The following SLC22A17 variants were observed in gnomAD, a reference collection of about 807,000 sequenced individuals.
SLC22A17 encodes the protein solute carrier family 22 member 17.
SLC22A17 carries 38 observed loss-of-function variants against 53.6 expected under a neutral mutation model. That is an observed-to-expected ratio of 0.71 (90% CI 0.55 to 0.93). SLC22A17 has a LOEUF of 0.93. Ranked by LOEUF, SLC22A17 falls within the 40% of genes least tolerant of loss-of-function variation. The probability of loss-of-function intolerance (pLI) is 0.00; values close to 1 mark genes in which losing one functional copy is unlikely to be tolerated. For synonymous variants in SLC22A17, 379 were observed against 353.0 expected, an observed-to-expected ratio of 1.07 and a Z score of -0.82; for missense variants, 704 against 791.0, an observed-to-expected ratio of 0.89 and a Z score of 1.32.
intron 3 of SLC22A17, among the ~76,000 whole-genome samples, chr14:23,350,164 T>A (rs1889533139): frequency 6.6e-6 from 1 of 151,744 alleles, no homozygotes; most frequent in East Asian, 1.9e-4. Flanking sequence ...ATTAGCCAGG[T>A]GTGGTGGCAG....
rs1889174431 is a variant in SLC22A17, at chr14:23,346,403, A to T, written c.*245T>A. On this transcript the variant is annotated 3_prime_UTR_variant, in exon 10 of 10. Transcript: ENST00000397267. ...CTGGGTGGATGTCTTTGGGCGCAGG[A>T]TGGAGCCCAGACCCAGTGGTTACAG... 3 of 464,632 alleles carry T rather than the reference A, an allele frequency of 6.5e-6. No individual in the cohort carries two copies. The South Asian group carries it at 1.7e-4, about 26-fold the overall frequency. 28.8% of individuals were successfully genotyped at this position (464,632 alleles called of 1,614,324 possible).
chr14:23,351,872 G>T lies in SLC22A17; in HGVS notation c.601-17C>A. The T allele has an allele frequency of 6.2e-7, 1 of 1,612,000 alleles. No homozygotes were observed. Among genetic ancestry groups the T allele is most frequent in the Non-Finnish European group, 8.5e-7 (1 of 1,178,788 alleles). On this transcript the variant is annotated splice_polypyrimidine_tract_variant and intron_variant, in intron 2 of 9. Coordinates refer to ENST00000397267, the Ensembl canonical transcript of SLC22A17. ...CAGATCCCACTGGGGATGTGAGAAG[G>T]GTGCAGCGGGCGTGAGGCCCCGCCC...
rs1295342362 is a variant in SLC22A17 at position 23,352,366 on chromosome 14, C to A, written c.182G>T (p.Gly61Val). Residue 61 changes from glycine to valine, a missense_variant, in exon 2 of 10, where the codon GGC becomes GTC. Transcript: ENST00000397267. The surrounding 1 kb of genome is among the most constrained non-coding windows in gnomAD (Gnocchi z 7.2). ...CAGGCTGCTGCCCAGTCCGTCGCCG[C>A]CCGCGTCTCCCTCCCCCTCCCGCTC... The A allele has an allele frequency of 4.9e-6, 4 of 811,430 alleles. No homozygotes were observed. In the African/African-American group the frequency reaches 7.3e-5, roughly 15 times the overall value. The allele number at this position is 811,430 out of a possible 1,614,324, so 50.3% of individuals were successfully genotyped here.
Position 23,347,353 on chromosome 14 carries a change from G to T in SLC22A17, c.1549+107C>A. 6.6e-7 allele frequency: 1 copy of T among 1,505,688 alleles called. No homozygotes were observed. 93.3% of individuals were successfully genotyped at this position (1,505,688 alleles called of 1,614,324 possible). A position where few individuals can be genotyped will look rare whatever the true frequency, so the allele number is the denominator to read the frequency against. On this transcript the variant is annotated intron_variant, in intron 8 of 9. Transcript: ENST00000397267. The surrounding 1 kb of genome is among the most constrained non-coding windows in gnomAD (Gnocchi z 5.1). ...CATTCAGTAATTGACTGGGAGAGCA[G>T]ATGGGGCTGTGGGGCCAGGTGGAGG...
chr14:23,352,118 C>A lies in SLC22A17; in HGVS notation c.430G>T (p.Ala144Ser). 6.3e-7 allele frequency: 1 copy of A among 1,580,748 alleles called. No homozygotes were observed. Among genetic ancestry groups the A allele is most frequent in the Non-Finnish European group, 8.6e-7 (1 of 1,165,100 alleles). The change falls in exon 2 of 10, where the codon GCC (alanine) becomes TCC (serine). Residue 144 changes from alanine to serine, a missense_variant. By Grantham distance (99) the Ala-to-Ser change is moderately conservative. This residue lies in a region of SLC22A17 where 435 missense variants were observed against 529.0 expected (regional missense o/e 0.82). Coordinates refer to ENST00000397267, the Ensembl canonical transcript of SLC22A17. This position sits in a 1 kb window ranked among gnomAD's most constrained non-coding sequence, Gnocchi z 7.2. The stretch of plus-strand genomic sequence containing the variant: ...GCGCTGGCGACGCTGACGCCGCTGG[C>A]ATTGGGAGGCTGCTCCCAGCCAGAG...
intron 3 of SLC22A17, chr14:23,350,982 A>T (rs1889588205): frequency 6.6e-6 from 1 of 152,238 alleles, no homozygotes; most frequent in African/African-American, 2.4e-5. Flanking sequence ...GGCTGAGTCT[A>T]ATCGGAAGTT....
rs1188927988 is a variant in SLC22A17 at position 23,348,516 on chromosome 14, G to A, written c.1015C>T (p.Leu339=). 1.9e-6 allele frequency: 3 copies of A among 1,613,776 alleles called. No individual in the cohort carries two copies. The highest frequency in any genetic ancestry group is 2.2e-5 in the East Asian group (1 of 44,882). ...AAGGGTAATACTGACCCATAAAACA[G>A]GAAGAGGATGCAGGGAGCGGTGATC... is the stretch of plus-strand genomic sequence containing the variant. Residue 339 remains leucine (L), a synonymous_variant, in exon 5 of 10, where the codon CTG becomes TTG. Coordinates refer to ENST00000397267, the Ensembl canonical transcript of SLC22A17. The surrounding 1 kb of genome is among the most constrained non-coding windows in gnomAD (Gnocchi z 4.5).
Position 23,352,325 on chromosome 14 carries a change from G to C in SLC22A17, c.223C>G (p.Pro75Ala). The change falls in exon 2 of 10, where the codon CCA (proline) becomes GCA (alanine). Residue 75 changes from proline (P) to alanine (A), a missense_variant. Around this residue, in one of 4 missense-constraint regions of SLC22A17, gnomAD observed 42 missense variants for 28.2 expected, o/e 1.49. Transcript: ENST00000397267. This position sits in a 1 kb window ranked among gnomAD's most constrained non-coding sequence, Gnocchi z 7.2. Reference sequence around the variant, plus strand: ...AGCGCCTCAAAGCTGAGGGGGCCTGGGGGCACGGCCAGCGACAGGCTGCTG... The same window carrying C: ...AGCGCCTCAAAGCTGAGGGGGCCTGCGGGCACGGCCAGCGACAGGCTGCTG... The C allele has an allele frequency of 7.9e-7, 1 of 1,258,636 alleles. No individual in the cohort carries two copies. The highest frequency in any genetic ancestry group is 1.0e-6 in the Non-Finnish European group (1 of 963,148). 78.0% of individuals were successfully genotyped at this position (1,258,636 alleles called of 1,614,324 possible). A position where few individuals can be genotyped will look rare whatever the true frequency, so the allele number is the denominator to read the frequency against.
Position 23,352,254 on chromosome 14 carries a change from G to A in SLC22A17, c.294C>T (p.Leu98=), listed in dbSNP as rs2138521657. Residue 98 remains leucine (L), a synonymous_variant, in exon 2 of 10, where the codon CTC becomes CTT. Coordinates refer to ENST00000397267, the Ensembl canonical transcript of SLC22A17. This position sits in a 1 kb window ranked among gnomAD's most constrained non-coding sequence, Gnocchi z 7.2. Reference sequence around the variant, plus strand: ...AGAGCACCGGCAGGCAGCAGAGGCCGAGCTGCAGCTGCTGGCCGCCGCCCA... The same window carrying A: ...AGAGCACCGGCAGGCAGCAGAGGCCAAGCTGCAGCTGCTGGCCGCCGCCCA... The A allele has an allele frequency of 4.2e-6, 6 of 1,431,402 alleles. No individual in the cohort carries two copies. The highest frequency in any genetic ancestry group is 5.5e-6 in the Non-Finnish European group (6 of 1,095,972). The allele number at this position is 1,431,402 out of a possible 1,614,324, so 88.7% of individuals were successfully genotyped here.
rs766826629 is a variant in SLC22A17, at chr14:23,346,733, C to T, written c.1865G>A (p.Cys622Tyr). The stretch of plus-strand genomic sequence containing the variant: ...CTGCCGCAGCAGGGAAGGCCGGCGA[C>T]ACAGCTCCCCGTCCCGGAGCACCTC... The change falls in exon 10 of 10, where the codon TGT becomes TAT. Residue 622 changes from cysteine to tyrosine, a missense_variant. Physicochemically the swap from Cys to Tyr is radical, Grantham distance 194. Around this residue, in one of 4 missense-constraint regions of SLC22A17, gnomAD observed 196 missense variants for 171.5 expected, o/e 1.14. Coordinates refer to ENST00000397267, the Ensembl canonical transcript of SLC22A17. The T allele has an allele frequency of 1.9e-5, 30 of 1,545,586 alleles. No individual in the cohort carries two copies. The Admixed American group carries it at 5.4e-4, about 28-fold the overall frequency.
chr14:23,348,825 G>T lies in SLC22A17; in HGVS notation c.860-154C>A. 1.3e-6 allele frequency: 1 copy of T among 799,994 alleles called. No homozygotes were observed. The allele number at this position is 799,994 out of a possible 1,614,324, so 49.6% of individuals were successfully genotyped here. A position where few individuals can be genotyped will look rare whatever the true frequency, so the allele number is the denominator to read the frequency against. ...TGCCTCCCTTGCTAACCTCTGGGTG[G>T]CAAGGACTGGGGAGACTGTTCAGCC... is the stretch of plus-strand genomic sequence containing the variant. On this transcript the variant is annotated intron_variant, in intron 4 of 9. Transcript: ENST00000397267. The surrounding 1 kb of genome is among the most constrained non-coding windows in gnomAD (Gnocchi z 4.5).
Position 23,352,388 on chromosome 14 carries a change from G to C in SLC22A17, c.160C>G (p.Arg54Gly), listed in dbSNP as rs1595016131. 1.5e-6 allele frequency: 1 copy of C among 653,742 alleles called. No homozygotes were observed. The highest frequency in any genetic ancestry group is 3.4e-5 in the East Asian group (1 of 29,538). 40.5% of individuals were successfully genotyped at this position (653,742 alleles called of 1,614,324 possible). Residue 54 changes from arginine to glycine, a missense_variant, in exon 2 of 10, where the codon CGG becomes GGG. Coordinates refer to ENST00000397267, the Ensembl canonical transcript of SLC22A17. This position sits in a 1 kb window ranked among gnomAD's most constrained non-coding sequence, Gnocchi z 7.2. ...CCGCCCGCGTCTCCCTCCCCCTCCC[G>C]CTCGCGCTCCCGCTCACCCTGCAGC... is the stretch of plus-strand genomic sequence containing the variant.
intron 3 of SLC22A17, chr14:23,350,996 T>C (rs1237317606): frequency 6.6e-6 from 1 of 152,248 alleles, no homozygotes; most frequent in Non-Finnish European, 1.5e-5. Context: ...GGAAGTTTAG[T>C]GCAGTGAGAG....
intron 4 of SLC22A17, 74 bp downstream of exon 4, chr14:23,349,198 G>A (rs1480360451): frequency 6.3e-7 from 1 of 1,595,408 alleles, no homozygotes; most frequent in African/African-American, 1.3e-5. Context: ...CTAGGGGGCA[G>A]TGAGGATGGC....
exon 4 of SLC22A17, chr14:23,349,412 C>T: frequency 6.2e-7 from 1 of 1,612,640 alleles, no homozygotes; most frequent in Non-Finnish European, 8.5e-7. Context: ...CAGCACAATC[C>T]CGCGACGGCC....
chr14:23,348,821 G>C lies in SLC22A17; in HGVS notation c.860-150C>G. 1 of 835,936 alleles carries C rather than the reference G, an allele frequency of 1.2e-6. No homozygotes were observed. The highest frequency in any genetic ancestry group is 1.8e-6 in the Non-Finnish European group (1 of 552,250). The allele number at this position is 835,936 out of a possible 1,614,324, so 51.8% of individuals were successfully genotyped here. ...CCATTGCCTCCCTTGCTAACCTCTG[G>C]GTGGCAAGGACTGGGGAGACTGTTC... On this transcript the variant is annotated intron_variant, in intron 4 of 9. Transcript: ENST00000397267. The surrounding 1 kb of genome is among the most constrained non-coding windows in gnomAD (Gnocchi z 4.5).
Position 23,352,522 on chromosome 14 carries a change from G to A in SLC22A17, c.97-71C>T. Reference sequence around the variant, plus strand: ...ACCGCAGAGCAAGGGCAGGGGGCAGGTGGGAGGGAGGGCTAGGAAGGCAGT... The same window carrying A: ...ACCGCAGAGCAAGGGCAGGGGGCAGATGGGAGGGAGGGCTAGGAAGGCAGT... On this transcript the variant is annotated intron_variant, in intron 1 of 9. Coordinates refer to ENST00000397267, the Ensembl canonical transcript of SLC22A17. The surrounding 1 kb of genome is among the most constrained non-coding windows in gnomAD (Gnocchi z 7.2). The A allele has an allele frequency of 2.4e-6, 1 of 417,566 alleles. No individual in the cohort carries two copies. The highest frequency in any genetic ancestry group is 3.6e-5 in the East Asian group (1 of 28,134). 25.9% of individuals were successfully genotyped at this position (417,566 alleles called of 1,614,324 possible).
rs781255235 is a variant in SLC22A17 at position 23,347,781 on chromosome 14, C to T, written c.1278-50G>A. 1.1e-5 allele frequency: 18 copies of T among 1,609,120 alleles called. No homozygotes were observed. Among genetic ancestry groups the T allele is most frequent in the Middle Eastern group, 1.7e-4 (1 of 6,044 alleles). ...CGAACAGAGCCTGAATCCCCTCCCG[C>T]AGCCTTCTACAGTGCTGATGGTCCT... On this transcript the variant is annotated intron_variant, in intron 7 of 9. Coordinates refer to ENST00000397267, the Ensembl canonical transcript of SLC22A17. The surrounding 1 kb of genome is among the most constrained non-coding windows in gnomAD (Gnocchi z 5.1).
rs1364758674 is a variant in SLC22A17, at chr14:23,347,880, C to T, written c.1277+11G>A. 2 of 1,613,818 alleles carry T rather than the reference C, an allele frequency of 1.2e-6. No individual in the cohort carries two copies. Among genetic ancestry groups the T allele is most frequent in the Non-Finnish European group, 1.7e-6 (2 of 1,179,834 alleles). On this transcript the variant is annotated intron_variant, in intron 7 of 9. Transcript: ENST00000397267. This position sits in a 1 kb window ranked among gnomAD's most constrained non-coding sequence, Gnocchi z 5.1. ...ACTGGCCTGGCCCTCAGCCCAGACA[C>T]CCAGGCTCACTTGGTGAAGCCCAGG...
Sources: gnomAD v4.1 joint callset for allele counts (sites outside exome capture counted in the v4.1 genomes callset) on GRCh38, gnomAD v4.1.1 for gene constraint, gnomAD v4.1.1 regional missense constraint, Gnocchi (gnomAD v3.1) non-coding constraint, MANE v1.5 for transcripts, NCBI Gene and HGNC (gene_info 2026-07-23, HGNC 2026-07-21) for gene names.